TDRD12: variants seen among roughly 807,000 people sequenced by gnomAD.
The protein encoded by TDRD12 is putative ATP-dependent RNA helicase TDRD12.
Under a neutral mutation model 133.5 loss-of-function variants are expected in TDRD12, and 158 were observed. That is an observed-to-expected ratio of 1.18 (90% CI 1.04 to 1.35). TDRD12 has a LOEUF of 1.35. TDRD12 is among the 40% of genes most tolerant of loss of function. The pLI is 0.00. For missense variants in TDRD12, 1,443 were observed against 1,321.3 expected, an observed-to-expected ratio of 1.09 and a Z score of -1.43; for synonymous variants, 460 against 477.9, an observed-to-expected ratio of 0.96 and a Z score of 0.49.
intron 1 of TDRD12, among the ~76,000 whole-genome samples, chr19:32,720,797 C>T (rs1968627146): frequency 1.1e-5 from 1 of 87,974 alleles, no homozygotes; most frequent in Admixed American, 1.1e-4. Flanking sequence ...CCACTCCAAC[C>T]CCACCCCGCC....
At chr19:32,791,095 A>G (rs1971057904) in intron 13 of TDRD12, 27 bp downstream of exon 13, 3 of 1,519,950 alleles carry the variant, frequency 2.0e-6, no homozygotes, top group Non-Finnish European at 1.8e-6. Flanking sequence ...AACTGAATTT[A>G]TCAAGAATGC....
exon 10 of TDRD12, chr19:32,827,189 C>T (rs1568503897): frequency 8.1e-7 from 1 of 1,231,790 alleles, no homozygotes; most frequent in South Asian, 4.1e-5. Flanking sequence ...ACCTGCCGTA[C>T]ACAGTGACAG....
intron 27 of TDRD12, among the ~76,000 whole-genome samples, chr19:32,818,372 C>A (rs1967259330): frequency 6.6e-6 from 1 of 152,190 alleles, no homozygotes; most frequent in Non-Finnish European, 1.5e-5. Flanking sequence ...CCTGTGGCCA[C>A]TGCAAGGAAT....
downstream of TDRD12, among the ~76,000 whole-genome samples, chr19:32,823,473 A>C (rs959503625): frequency 3.9e-5 from 6 of 152,164 alleles, no homozygotes; most frequent in Non-Finnish European, 7.3e-5. Context: ...GTCCAAACCC[A>C]GGTTCTTCAT....
chr19:32,827,357 T>TTTTTTC (rs1967624300), exon 10 of TDRD12: 1 of 363,394 alleles, frequency 2.8e-6, no homozygotes, highest in East Asian at 8.1e-5. Context: ...TAACCAAATC[T>TTTTTTC]TTTTCTTTTC....
In TDRD12 at chr19:32,786,250, T is replaced by C. The variant is rs1003761841; in HGVS notation, c.1122-4281T>C. On this transcript the variant is annotated intron_variant, in intron 11 of 27. Coordinates refer to ENST00000444215, the Ensembl canonical transcript of TDRD12. ...AATTCTTTTCAAGAATGTTGAATAT[T>C]GGCCCCCACTCTCTTCTGGCTTATA... 3.3e-5 allele frequency among the ~76,000 whole-genome samples: 5 copies of C among 152,210 alleles called. No individual in the cohort carries two copies. In the East Asian group the frequency reaches 9.6e-4, roughly 29 times the overall value.
intron 10 of TDRD12, among the ~76,000 whole-genome samples, chr19:32,776,455 T>TC (rs549456463): frequency 8.0e-4 from 122 of 152,228 alleles, no homozygotes; most frequent in African/African-American, 2.6e-3. Flanking sequence ...CAATGGGGAT[T>TC]CCCCACACTT....
chr19:32,722,475 C>G (rs1013178855), intron 1 of TDRD12, among the ~76,000 whole-genome samples: 1 of 152,098 alleles, frequency 6.6e-6, no homozygotes, highest in South Asian at 2.1e-4. Context: ...GTAGGTACCA[C>G]CTGTCCTGCA....
intron 1 of TDRD12, among the ~76,000 whole-genome samples, chr19:32,726,246 A>G (rs1306302179): frequency 1.3e-5 from 2 of 152,084 alleles, no homozygotes; most frequent in East Asian, 3.9e-4. Context: ...ACGCCTGGCT[A>G]ATTTTTTGTA....
chr19:32,739,981 G>GCATCTCCTGGGTGCTC (rs1969363958), intron 3 of TDRD12, among the ~76,000 whole-genome samples: 2 of 89,686 alleles, frequency 2.2e-5, no homozygotes, highest in African/African-American at 4.8e-5. Flanking sequence ...CCTGGGTGCT[G>GCATCTCCTGGGTGCTC]TCTGCATCTC....
At chr19:32,818,571 C>T (rs1046528049) in intron 27 of TDRD12, among the ~76,000 whole-genome samples, 3 of 152,194 alleles carry the variant, frequency 2.0e-5, no homozygotes, top group African/African-American at 7.2e-5. Flanking sequence ...GGTTGAGAAG[C>T]TGCTGGTTTA....
At chr19:32,741,206 C>A (rs878908877) in intron 3 of TDRD12, among the ~76,000 whole-genome samples, 1 of 152,184 alleles carries the variant, frequency 6.6e-6, no homozygotes, top group African/African-American at 2.4e-5. Flanking sequence ...CTCAGTCTCC[C>A]GAGTAGTTGG....
intron 11 of TDRD12, among the ~76,000 whole-genome samples, chr19:32,778,066 A>T (rs1167407840): frequency 6.6e-6 from 1 of 151,398 alleles, no homozygotes; most frequent in African/African-American, 2.4e-5. Flanking sequence ...CATTCCAAGT[A>T]ACTGTAGCTG....
At chr19:32,814,324 A>G (rs570511621) in intron 25 of TDRD12, among the ~76,000 whole-genome samples, 1 of 152,302 alleles carries the variant, frequency 6.6e-6, no homozygotes, top group East Asian at 1.9e-4. Flanking sequence ...TTGTTCCCCA[A>G]GAGCTCCACT....
At chr19:32,818,514 G>A (rs1477876324) in intron 27 of TDRD12, among the ~76,000 whole-genome samples, 2 of 152,214 alleles carry the variant, frequency 1.3e-5, no homozygotes, top group Non-Finnish European at 1.5e-5. Flanking sequence ...ACTGTGCCAG[G>A]AGCTTAGGAC....
At chr19:32,805,050 C>A (rs569180857) in intron 21 of TDRD12, among the ~76,000 whole-genome samples, 5 of 151,572 alleles carry the variant, frequency 3.3e-5, no homozygotes, top group African/African-American at 1.2e-4. Flanking sequence ...ATAATCCCAG[C>A]GCTTTGGGAG....
intron 13 of TDRD12, among the ~76,000 whole-genome samples, chr19:32,792,906 G>C (rs1230148688): frequency 6.6e-6 from 1 of 152,198 alleles, no homozygotes. Flanking sequence ...ATTCTGATGA[G>C]GTCAGGTGCG....
At chr19:32,822,816 A>C (rs149029568), downstream of TDRD12, among the ~76,000 whole-genome samples, 1,714 of 152,204 alleles carry the variant, frequency 0.011, 38 homozygotes, top group African/African-American at 0.036. Context: ...GGGAGAAGGA[A>C]AGGAGAGGTG....
rs192458921 is a variant in TDRD12, at chr19:32,789,193, G to T, written c.1122-1338G>T. The stretch of plus-strand genomic sequence containing the variant: ...TCTGAAGGTTGTTCTCTGCAGATAG[G>T]GTCAGGCCTCCCGCGGCTGGCTCAG... On this transcript the variant is annotated intron_variant, in intron 11 of 27. Coordinates refer to ENST00000444215, the Ensembl canonical transcript of TDRD12. Among the ~76,000 whole-genome samples the T allele has an allele frequency of 5.2e-4, 79 of 152,298 alleles. 1 individual carries two copies. In the East Asian group the frequency reaches 0.013, roughly 26 times the overall value.
Sources: gnomAD v4.1 joint callset for allele counts (sites outside exome capture counted in the v4.1 genomes callset) on GRCh38, gnomAD v4.1.1 for gene constraint, MANE v1.5 for transcripts, NCBI Gene and HGNC (gene_info 2026-07-23, HGNC 2026-07-21) for gene names.